The following JOSD1 variants were observed in gnomAD, a reference collection of about 807,000 sequenced individuals.
JOSD1 encodes josephin-1.
A neutral mutation model predicts 24.3 loss-of-function variants in JOSD1; 11 were observed. The observed-to-expected ratio is 0.45, with a 90% CI of 0.29 to 0.75. The LOEUF (loss-of-function observed/expected upper bound fraction) is 0.75. Among genes scored for constraint, JOSD1 ranks in the 30% least tolerant of loss-of-function variants. JOSD1 has a pLI of 0.11. For missense variants in JOSD1, 184 were observed against 253.5 expected (o/e 0.73, Z 1.86); for synonymous variants, 106 against 93.8 (o/e 1.13, Z -0.75).
rs2092502274 is a variant in JOSD1 at position 38,687,288 on chromosome 22, A to AGGGCTTGTT, written c.*613_*614insAACAAGCCC. 1 of 152,752 alleles carries AGGGCTTGTT rather than the reference A, an allele frequency of 6.5e-6. No homozygotes were observed. The highest frequency in any genetic ancestry group is 2.4e-5 in the African/African-American group (1 of 41,474). The allele number at this position is 152,752 out of a possible 1,614,324, so 9.5% of individuals were successfully genotyped here. On this transcript the variant is annotated 3_prime_UTR_variant, in exon 5 of 5. Transcript: ENST00000683374. The stretch of plus-strand genomic sequence containing the variant: ...AGCCGAGATGGTGCCATTGCACTCC[A>AGGGCTTGTT]GCCTGGGCAACAAGAGTGAAACTCA...
rs149593440 is a variant in JOSD1, at chr22:38,699,648, T to C, written c.185+155A>G. On this transcript the variant is annotated intron_variant, in intron 2 of 4. Transcript: ENST00000683374. ...CCCACCGTAAGTGCCTGATAAATGGTAGTGATTATCTTTTCATGTCTTGTG... is the reference window on the plus strand; with the variant it reads ...CCCACCGTAAGTGCCTGATAAATGGCAGTGATTATCTTTTCATGTCTTGTG... Among the ~76,000 whole-genome samples the C allele has an allele frequency of 8.4e-3, 1,283 of 152,314 alleles. 16 individuals carry two copies. Among genetic ancestry groups the C allele is most frequent in the Admixed American group, 0.014 (218 of 15,298 alleles).
chr22:38,686,408 T>C lies in JOSD1; in HGVS notation c.*1494A>G, dbSNP rs1421418336. ...TGGCCAGTGGGACAGCTCTCAGACC[T>C]GCCACGACCATTGATCTGAGGGCCA... On this transcript the variant is annotated 3_prime_UTR_variant, in exon 5 of 5. Transcript: ENST00000683374. 6.6e-6 allele frequency: 1 copy of C among 152,288 alleles called. No individual in the cohort carries two copies. 9.4% of individuals were successfully genotyped at this position (152,288 alleles called of 1,614,324 possible).
chr22:38,699,395 C>T (rs972697954), intron 2 of JOSD1, among the ~76,000 whole-genome samples: 15 of 152,210 alleles, frequency 9.9e-5, no homozygotes, highest in African/African-American at 3.6e-4. Flanking sequence ...CACTTCTAGA[C>T]TGTAAACTCC....
intron 2 of JOSD1, among the ~76,000 whole-genome samples, chr22:38,690,488 C>T (rs987359481): frequency 1.3e-5 from 2 of 151,956 alleles, no homozygotes; most frequent in Admixed American, 6.6e-5. Context: ...CTGCAACCTC[C>T]GTCTCCTGCG....
rs2092505227 is a variant in JOSD1, at chr22:38,687,949, C to A, written c.562G>T (p.Val188Leu). Residue 188 changes from valine (V) to leucine (L), a missense_variant, in exon 5 of 5, where the codon GTA becomes TTA. Physicochemically the swap from Val to Leu is conservative, Grantham distance 32 (BLOSUM62 1). Coordinates refer to ENST00000683374, the MANE Select transcript of JOSD1 (RefSeq NM_001360236.2). ...RGKNCELLLV[V>L]PEEVEAHQSW... is the part of the protein sequence containing the mutation. ...TGATGAGCCTCTACCTCTTCTGGTA[C>A]CACCAGCAGGAGTTCACAGTTCTTT... 1 of 1,613,862 alleles carries A rather than the reference C, an allele frequency of 6.2e-7. No individual in the cohort carries two copies. The highest frequency in any genetic ancestry group is 1.3e-5 in the African/African-American group (1 of 74,924).
upstream of JOSD1, chr22:38,700,973 C>A (rs1030165355): frequency 9.1e-6 from 9 of 984,858 alleles, no homozygotes; most frequent in African/African-American, 1.4e-4. Context: ...CACCTGAGCC[C>A]GACGTCAGCG....
At chr22:38,701,100 A>C (rs927487725), upstream of JOSD1, 5 of 539,608 alleles carry the variant, frequency 9.3e-6, no homozygotes, top group African/African-American at 1.0e-4. Context: ...GGAGCCGCAG[A>C]CGCCGGGCGT....
chr22:38,700,872 C>T lies in JOSD1; in HGVS notation c.-704G>A. ...CCCCCGGCCGCAGACCCCAGGGCCGCCGGGACTGCTCGCCGCTGGCGGTCC... is the reference window on the plus strand; with the variant it reads ...CCCCCGGCCGCAGACCCCAGGGCCGTCGGGACTGCTCGCCGCTGGCGGTCC... On this transcript the variant is annotated 5_prime_UTR_variant, in exon 1 of 5. Transcript: ENST00000683374. The T allele has an allele frequency of 1.0e-6, 1 of 984,472 alleles. No individual in the cohort carries two copies. The highest frequency in any genetic ancestry group is 1.2e-6 in the Non-Finnish European group (1 of 829,562). 61.0% of individuals were successfully genotyped at this position (984,472 alleles called of 1,614,324 possible). A position where few individuals can be genotyped will look rare whatever the true frequency, so the allele number is the denominator to read the frequency against.
At chr22:38,689,188 T>G (rs2092511418) in intron 3 of JOSD1, 59 bp from the exon 4 acceptor site, 5 of 1,601,874 alleles carry the variant, frequency 3.1e-6, no homozygotes. Context: ...GTTCCCTGGC[T>G]GTAATACCAC....
At position 38,700,906 on chromosome 22, in the gene JOSD1, C is replaced by G; in HGVS notation, c.-738G>C. On this transcript the variant is annotated 5_prime_UTR_variant, in exon 1 of 5. Coordinates refer to ENST00000683374, the MANE Select transcript of JOSD1 (RefSeq NM_001360236.2). The stretch of plus-strand genomic sequence containing the variant: ...CTCGCCGCTGGCGGTCCCCTCACCG[C>G]AGCCGGCCGCCACCTGGAGTGCGCG... 1.0e-6 allele frequency: 1 copy of G among 984,504 alleles called. No individual in the cohort carries two copies. The highest frequency in any genetic ancestry group is 1.2e-6 in the Non-Finnish European group (1 of 829,628). The allele number at this position is 984,504 out of a possible 1,614,324, so 61.0% of individuals were successfully genotyped here. A position where few individuals can be genotyped will look rare whatever the true frequency, so the allele number is the denominator to read the frequency against.
chr22:38,689,676 C>G (rs62230029), intron 2 of JOSD1, among the ~76,000 whole-genome samples: 1 of 151,960 alleles, frequency 6.6e-6, no homozygotes, highest in East Asian at 1.9e-4. Flanking sequence ...CTCATGCAAG[C>G]CTTTTTTTTT....
chr22:38,700,753 C>T, intron 1 of JOSD1, 47 bp downstream of exon 1: 12 of 984,132 alleles, frequency 1.2e-5, no homozygotes, highest in Non-Finnish European at 1.3e-5. Context: ...CAGTCAGCCT[C>T]GCGCTCCCGG....
intron 2 of JOSD1, among the ~76,000 whole-genome samples, chr22:38,697,195 T>C (rs997237913): frequency 7.2e-5 from 11 of 152,222 alleles, no homozygotes; most frequent in Admixed American, 6.5e-4. Context: ...AAAAATTCCA[T>C]CTTCTCTCCC....
chr22:38,687,816 G>T lies in JOSD1; in HGVS notation c.*86C>A, dbSNP rs2145801945. The T allele has an allele frequency of 3.5e-6, 3 of 845,208 alleles. No individual in the cohort carries two copies. In the East Asian group the frequency reaches 7.3e-5, roughly 21 times the overall value. The allele number at this position is 845,208 out of a possible 1,614,324, so 52.4% of individuals were successfully genotyped here. Reference sequence around the variant, plus strand: ...AAAACTTGATGAGATGTTTGGGGAAGTGGCAAGGGCAGACCCACTGTAGAG... The same window carrying T: ...AAAACTTGATGAGATGTTTGGGGAATTGGCAAGGGCAGACCCACTGTAGAG... On this transcript the variant is annotated 3_prime_UTR_variant, in exon 5 of 5. Coordinates refer to ENST00000683374, the MANE Select transcript of JOSD1 (RefSeq NM_001360236.2).
In JOSD1 at chr22:38,700,919, CCTGGAGTGCGCGCCGCCAA is replaced by C; in HGVS notation, c.-770_-752del. Reference sequence around the variant, plus strand: ...GTCCCCTCACCGCAGCCGGCCGCCACCTGGAGTGCGCGCCGCCAACTGGGCCGTGCGGGCGGGCGCGCGC... The same window carrying C: ...GTCCCCTCACCGCAGCCGGCCGCCACCTGGGCCGTGCGGGCGGGCGCGCGC... On this transcript the variant is annotated 5_prime_UTR_variant, in exon 1 of 5. Transcript: ENST00000683374. 1.0e-6 allele frequency: 1 copy of C among 984,560 alleles called. No individual in the cohort carries two copies. Among genetic ancestry groups the C allele is most frequent in the Non-Finnish European group, 1.2e-6 (1 of 829,654 alleles). The allele number at this position is 984,560 out of a possible 1,614,324, so 61.0% of individuals were successfully genotyped here.
chr22:38,696,194 A>C (rs1377809900), intron 2 of JOSD1, among the ~76,000 whole-genome samples: 1 of 152,054 alleles, frequency 6.6e-6, no homozygotes, highest in Non-Finnish European at 1.5e-5. Context: ...AGCTGCCATC[A>C]TGTAATTTGA....
At position 38,697,869 on chromosome 22, in the gene JOSD1, CA is replaced by C. The variant is rs140405677; in HGVS notation, c.185+1933del. On this transcript the variant is annotated intron_variant, in intron 2 of 4. Coordinates refer to ENST00000683374, the MANE Select transcript of JOSD1 (RefSeq NM_001360236.2). ...CCTATCATTATTCCCATAGTCAGAT[CA>C]GGGGCCAAATGTACAGAAGTGAAAA... Among the ~76,000 whole-genome samples, 802 of 152,352 alleles carry C rather than the reference CA, an allele frequency of 5.3e-3. 4 individuals are homozygous for C. Among genetic ancestry groups the C allele is most frequent in the African/African-American group, 0.019 (774 of 41,584 alleles).
chr22:38,692,279 T>C (rs1339924545), intron 2 of JOSD1, among the ~76,000 whole-genome samples: 1 of 152,194 alleles, frequency 6.6e-6, no homozygotes, highest in East Asian at 1.9e-4. Context: ...CCATGAGCAC[T>C]TGCAAGTGAC....
At chr22:38,694,013 GT>G (rs527740996) in intron 2 of JOSD1, among the ~76,000 whole-genome samples, 10 of 152,228 alleles carry the variant, frequency 6.6e-5, no homozygotes, top group Non-Finnish European at 1.5e-4. Flanking sequence ...TCCCTGGATA[GT>G]TTTTTACTCT....
Sources: allele counts gnomAD v4.1 joint callset (sites outside exome capture counted in the v4.1 genomes callset), GRCh38; gene constraint gnomAD v4.1.1; transcripts MANE v1.5; gene names NCBI Gene and HGNC (gene_info 2026-07-23, HGNC 2026-07-21).